The following ANO2 variants were observed in gnomAD, a reference collection of about 807,000 sequenced individuals.
ANO2 encodes anoctamin-2.
A neutral mutation model predicts 124.2 loss-of-function variants in ANO2; 101 were observed. That is an observed-to-expected ratio of 0.81 (90% CI 0.69 to 0.96). ANO2 has a LOEUF of 0.96. ANO2 is among the 40% of genes least tolerant of loss of function. The pLI is 0.00. For missense variants in ANO2, 1,293 were observed against 1,274.5 expected, an observed-to-expected ratio of 1.01 and a Z score of -0.22; for synonymous variants, 486 against 482.5, an observed-to-expected ratio of 1.01 and a Z score of -0.09.
intron 10 of ANO2, among the ~76,000 whole-genome samples, chr12:5,772,089 G>T (rs1952099613): frequency 6.6e-6 from 1 of 151,972 alleles, no homozygotes; most frequent in East Asian, 1.9e-4. Context: ...ACCCACAACA[G>T]ATTTTTTAAT....
intron 10 of ANO2, among the ~76,000 whole-genome samples, chr12:5,790,414 G>A (rs533100908): frequency 7.9e-5 from 12 of 152,214 alleles, no homozygotes; most frequent in Admixed American, 3.9e-4. Context: ...CAGCCCCGGT[G>A]CTTTCTTCTC....
chr12:5,893,215 G>A (rs1158247946), intron 3 of ANO2, among the ~76,000 whole-genome samples: 6 of 152,058 alleles, frequency 3.9e-5, no homozygotes. Context: ...AAAAGCAAAT[G>A]CAACAATAAC....
intron 16 of ANO2, among the ~76,000 whole-genome samples, chr12:5,629,804 G>C (rs112401815): frequency 1.3e-5 from 2 of 152,106 alleles, no homozygotes; most frequent in Non-Finnish European, 2.9e-5. Context: ...CTCCCTCTAG[G>C]ACACAGCTCC....
At chr12:5,680,797 A>T (rs1224599963) in intron 14 of ANO2, among the ~76,000 whole-genome samples, 1 of 152,186 alleles carries the variant, frequency 6.6e-6, no homozygotes, top group African/African-American at 2.4e-5. Context: ...GAACAATAAG[A>T]ATCAGATAGG....
At chr12:5,750,345 C>G (rs1331059472) in intron 11 of ANO2, among the ~76,000 whole-genome samples, 1 of 152,188 alleles carries the variant, frequency 6.6e-6, no homozygotes, top group African/African-American at 2.4e-5. Flanking sequence ...TTTCTGACTT[C>G]CTGAAACAGA....
rs1945933958 is a variant in ANO2, at chr12:5,635,083, C to T, written c.1816+69G>A. 8.2e-6 allele frequency: 11 copies of T among 1,343,510 alleles called. No individual in the cohort carries two copies. The highest frequency in any genetic ancestry group is 1.1e-5 in the Non-Finnish European group (11 of 1,013,598). The allele number at this position is 1,343,510 out of a possible 1,614,324, so 83.2% of individuals were successfully genotyped here. A position where few individuals can be genotyped will look rare whatever the true frequency, so the allele number is the denominator to read the frequency against. ...CCCTGTCCCATTTTTTTTATTTTATCACCAAAAGCCTTGCACGCATTGACT... is the reference window on the plus strand; with the variant it reads ...CCCTGTCCCATTTTTTTTATTTTATTACCAAAAGCCTTGCACGCATTGACT... On this transcript the variant is annotated intron_variant, in intron 16 of 24. Transcript: ENST00000682330. The surrounding 1 kb of genome is among the most constrained non-coding windows in gnomAD (Gnocchi z 5.2).
chr12:5,576,359 A>G (rs1942411466), intron 22 of ANO2, among the ~76,000 whole-genome samples: 1 of 152,212 alleles, frequency 6.6e-6, no homozygotes. Flanking sequence ...CGCTTTCCTG[A>G]AAAAAATTAC....
At chr12:5,797,279 AAG>A (rs1168045274) in intron 10 of ANO2, among the ~76,000 whole-genome samples, 1 of 152,142 alleles carries the variant, frequency 6.6e-6, no homozygotes, top group African/African-American at 2.4e-5. Context: ...GAAGTGGCAA[AAG>A]AGAGAAATGG....
Position 5,678,575 on chromosome 12 carries a change from G to T in ANO2, c.1546-30774C>A, listed in dbSNP as rs183179538. On this transcript the variant is annotated intron_variant, in intron 14 of 24. Coordinates refer to ENST00000682330, the MANE Select transcript of ANO2 (RefSeq NM_001364791.2). The stretch of plus-strand genomic sequence containing the variant: ...TCAAAATTTTCCAAGGGATTTACTG[G>T]AACGCATTTCTGAGGGGGACTGAAT... Among the ~76,000 whole-genome samples, 137 of 152,334 alleles carry T rather than the reference G, an allele frequency of 9.0e-4. 1 individual carries two copies. In the South Asian group the frequency reaches 0.012, roughly 13 times the overall value.
chr12:5,621,794 A>G (rs1424640780), intron 16 of ANO2, among the ~76,000 whole-genome samples: 2 of 151,816 alleles, frequency 1.3e-5, no homozygotes, highest in Admixed American at 6.6e-5. Context: ...ACAGGCAGAC[A>G]CCGTGGAAGG....
chr12:5,568,290 C>T (rs1433614364), intron 23 of ANO2, among the ~76,000 whole-genome samples: 9 of 151,950 alleles, frequency 5.9e-5, no homozygotes, highest in Non-Finnish European at 1.0e-4. Context: ...TACAGGCGCC[C>T]GCCACCACAC....
chr12:5,751,828 A>G (rs1369754951), intron 10 of ANO2, among the ~76,000 whole-genome samples: 1 of 152,172 alleles, frequency 6.6e-6, no homozygotes, highest in Non-Finnish European at 1.5e-5. Context: ...ATCTCCGGGC[A>G]TATATGTATT....
At chr12:5,754,871 AT>A (rs1951531912) in intron 10 of ANO2, among the ~76,000 whole-genome samples, 1 of 151,890 alleles carries the variant, frequency 6.6e-6, no homozygotes, top group African/African-American at 2.4e-5. Flanking sequence ...AGCTTCATCA[AT>A]TTTTTGTTTT....
chr12:5,779,561 C>T (rs1286370622), intron 10 of ANO2, among the ~76,000 whole-genome samples: 2 of 152,104 alleles, frequency 1.3e-5, no homozygotes, highest in Admixed American at 6.5e-5. Flanking sequence ...TCACATAGTC[C>T]CAAGGGCCCT....
intron 10 of ANO2, among the ~76,000 whole-genome samples, chr12:5,774,993 G>C (rs911189221): frequency 1.3e-5 from 2 of 152,122 alleles, no homozygotes; most frequent in Non-Finnish European, 2.9e-5. Flanking sequence ...TTTTACATAC[G>C]TAGATGGTTT....
At chr12:5,670,411 G>A (rs1947939387) in intron 14 of ANO2, among the ~76,000 whole-genome samples, 1 of 152,170 alleles carries the variant, frequency 6.6e-6, no homozygotes. Flanking sequence ...CTGGGAGTGG[G>A]AATAGAGATG....
intron 14 of ANO2, among the ~76,000 whole-genome samples, chr12:5,666,759 C>T (rs1352565320): frequency 6.6e-6 from 1 of 151,988 alleles, no homozygotes; most frequent in Non-Finnish European, 1.5e-5. Context: ...GCCTTTGCAG[C>T]AGCTGGCCCC....
At chr12:5,580,429 T>A (rs1459228591) in intron 20 of ANO2, among the ~76,000 whole-genome samples, 1 of 152,196 alleles carries the variant, frequency 6.6e-6, no homozygotes, top group Non-Finnish European at 1.5e-5. Context: ...AAGCACTGAA[T>A]GAGAGAGACC....
intron 1 of ANO2, among the ~76,000 whole-genome samples, chr12:5,931,487 A>C (rs1399273255): frequency 3.3e-5 from 5 of 151,694 alleles, no homozygotes; most frequent in African/African-American, 1.2e-4. Flanking sequence ...AAGGCCTATA[A>C]GGAAAGAAGG....
Sources: allele counts gnomAD v4.1 joint callset (sites outside exome capture counted in the v4.1 genomes callset), GRCh38; gene constraint gnomAD v4.1.1; non-coding constraint Gnocchi (gnomAD v3.1); transcripts MANE v1.5; gene names NCBI Gene and HGNC (gene_info 2026-07-23, HGNC 2026-07-21).